SMCHD1: variants seen among roughly 807,000 people sequenced by gnomAD.
The protein encoded by SMCHD1 is structural maintenance of chromosomes flexible hinge domain-containing protein 1.
Under a neutral mutation model 254.7 loss-of-function variants are expected in SMCHD1, and 78 were observed. The ratio of observed to expected loss-of-function variants is 0.31; its 90% CI spans 0.26 to 0.37. The LOEUF (loss-of-function observed/expected upper bound fraction) is 0.37. SMCHD1 is among the 10% of genes least tolerant of loss of function. The probability of loss-of-function intolerance (pLI) is 1.00; values close to 1 mark genes in which losing one functional copy is unlikely to be tolerated. For synonymous variants in SMCHD1, 766 were observed against 794.9 expected (o/e 0.96, Z 0.61); for missense variants, 1,840 against 2,408.1 (o/e 0.76, Z 4.94).
intron 41 of SMCHD1, among the ~76,000 whole-genome samples, chr18:2,774,153 GTTATAC>G (rs1386574329): frequency 6.6e-6 from 1 of 151,852 alleles, no homozygotes; most frequent in East Asian, 1.9e-4. Flanking sequence ...ACATATTATA[GTTATAC>G]TTAACATGCC....
intron 4 of SMCHD1, among the ~76,000 whole-genome samples, chr18:2,673,624 A>G (rs537141693): frequency 3.9e-5 from 6 of 152,298 alleles, no homozygotes; most frequent in South Asian, 2.1e-4. Context: ...ATGTTCTGCA[A>G]TATAATCTGT....
intron 7 of SMCHD1, among the ~76,000 whole-genome samples, chr18:2,690,267 A>G (rs2074145855): frequency 6.6e-6 from 1 of 152,192 alleles, no homozygotes; most frequent in South Asian, 2.1e-4. Context: ...AAATATTTTG[A>G]TACACAATGG....
rs374350101 is a variant in SMCHD1 at position 2,747,991 on chromosome 18, T to C, written c.3927+344T>C. 2.4e-4 allele frequency among the ~76,000 whole-genome samples: 36 copies of C among 152,222 alleles called. No individual in the cohort carries two copies. In the South Asian group the frequency reaches 5.4e-3, roughly 23 times the overall value. Reference sequence around the variant, plus strand: ...ATATCACAGTGACCTACAGAATGGATTAAGGAACAGGCATTATTGGGGAAA... The same window carrying C: ...ATATCACAGTGACCTACAGAATGGACTAAGGAACAGGCATTATTGGGGAAA... On this transcript the variant is annotated intron_variant, in intron 30 of 47. Coordinates refer to ENST00000320876, the MANE Select transcript of SMCHD1 (RefSeq NM_015295.3).
chr18:2,706,380 A>T lies in SMCHD1; in HGVS notation c.1973A>T (p.Tyr658Phe). 2 of 1,582,064 alleles carry T rather than the reference A, an allele frequency of 1.3e-6. No individual in the cohort carries two copies. Among genetic ancestry groups the T allele is most frequent in the Non-Finnish European group, 1.7e-6 (2 of 1,162,972 alleles). Residue 658 changes from tyrosine to phenylalanine, a missense_variant, in exon 15 of 48, where the codon TAT (tyrosine) becomes TTT (phenylalanine). Coordinates refer to ENST00000320876, the MANE Select transcript of SMCHD1 (RefSeq NM_015295.3). ...TTTATTCAGGAACCTCAGGCACTAT[A>T]TGATGAAGTAAGAACTGTGCCAATT... ...VQIAMEPQAL[Y>F]DEVRTVPIAK...
intron 3 of SMCHD1, among the ~76,000 whole-genome samples, chr18:2,671,996 C>T (rs1423556262): frequency 6.6e-6 from 1 of 152,126 alleles, no homozygotes; most frequent in African/African-American, 2.4e-5. Flanking sequence ...TCTTTTTCAT[C>T]TAATCAGATT....
intron 5 of SMCHD1, among the ~76,000 whole-genome samples, chr18:2,686,886 T>C (rs932389181): frequency 6.6e-6 from 1 of 152,158 alleles, no homozygotes; most frequent in Non-Finnish European, 1.5e-5. Flanking sequence ...AATTAAAATG[T>C]TTTTGTTTAT....
At chr18:2,669,703 G>C (rs375304652) in intron 3 of SMCHD1, among the ~76,000 whole-genome samples, 4 of 152,154 alleles carry the variant, frequency 2.6e-5, no homozygotes, top group Non-Finnish European at 4.4e-5. Flanking sequence ...AAATGGTGCC[G>C]GGTTTATCTC....
chr18:2,797,742 T>C (rs1208107945), intron 47 of SMCHD1, among the ~76,000 whole-genome samples: 1 of 152,126 alleles, frequency 6.6e-6, no homozygotes, highest in East Asian at 1.9e-4. Context: ...CTGGCCAACA[T>C]GGCAAAACCC....
intron 25 of SMCHD1, among the ~76,000 whole-genome samples, chr18:2,734,652 T>TTTA (rs34131956): frequency 9.1e-3 from 2 of 220 alleles, no homozygotes; most frequent in Non-Finnish European, 0.043. Flanking sequence ...CTTATTTTCC[T>TTTA]TTTTTTTTTT....
Position 2,777,071 on chromosome 18 carries a change from C to A in SMCHD1, c.5367-735C>A, listed in dbSNP as rs531710414. Among the ~76,000 whole-genome samples the A allele has an allele frequency of 2.2e-3, 316 of 145,546 alleles. 2 individuals carry two copies. The highest frequency in any genetic ancestry group is 7.2e-3 in the African/African-American group (292 of 40,468). On this transcript the variant is annotated intron_variant, in intron 42 of 47. Coordinates refer to ENST00000320876, the MANE Select transcript of SMCHD1 (RefSeq NM_015295.3). ...GGCATGCACCACCACCTCCCCCCCC[C>A]ATACCCTAATACTTTTTGTGAGAAG... is the stretch of plus-strand genomic sequence containing the variant.
chr18:2,742,163 C>G (rs2075363732), intron 28 of SMCHD1, among the ~76,000 whole-genome samples: 1 of 152,160 alleles, frequency 6.6e-6, no homozygotes, highest in Non-Finnish European at 1.5e-5. Flanking sequence ...TTAGTATGGC[C>G]TGTAATACCT....
intron 17 of SMCHD1, among the ~76,000 whole-genome samples, chr18:2,717,284 C>G (rs989536028): frequency 6.6e-6 from 1 of 152,196 alleles, no homozygotes; most frequent in Non-Finnish European, 1.5e-5. Context: ...AGAGGATTCA[C>G]TCCCAGTTTT....
chr18:2,730,567 C>T (rs2075119301), intron 24 of SMCHD1, among the ~76,000 whole-genome samples: 1 of 152,174 alleles, frequency 6.6e-6, no homozygotes, highest in African/African-American at 2.4e-5. Flanking sequence ...GAGCTGTAAA[C>T]AATCTAAGGT....
intron 42 of SMCHD1, 60 bp downstream of exon 42, chr18:2,775,984 C>A: frequency 7.5e-7 from 1 of 1,340,138 alleles, no homozygotes; most frequent in Non-Finnish European, 1.0e-6. Flanking sequence ...TTTATCAAAG[C>A]CTTGAATTTA....
chr18:2,688,401 T>A lies in SMCHD1; in HGVS notation c.646T>A (p.Ser216Thr). ...ATTAATGTTTTATTTTAGTGATCAT[T>A]CAGGATATGTTCGTCCAGTACCAGT... ...TRQGDFESDH[S>T]GYVRPVPVPR... The change falls in exon 6 of 48, where the codon TCA (serine) becomes ACA (threonine). Residue 216 changes from serine (S) to threonine (T), a missense_variant. Ser to Thr is a moderately conservative substitution (Grantham distance 58). This residue lies in a region of SMCHD1 where 498 missense variants were observed against 743.5 expected (regional missense o/e 0.67). Transcript: ENST00000320876. The A allele has an allele frequency of 6.2e-7, 1 of 1,609,764 alleles. No individual in the cohort carries two copies. The highest frequency in any genetic ancestry group is 1.7e-4 in the Middle Eastern group (1 of 6,056).
rs1488624500 is a variant in SMCHD1, at chr18:2,803,198, GTATATATATATATATATATAAA to G, written c.*659_*680del. 1 of 136,518 alleles carries G rather than the reference GTATATATATATATATATATAAA, an allele frequency of 7.3e-6. No individual in the cohort carries two copies. Among genetic ancestry groups the G allele is most frequent in the Non-Finnish European group, 1.6e-5 (1 of 63,724 alleles). The allele number at this position is 136,518 out of a possible 1,614,324, so 8.5% of individuals were successfully genotyped here. On this transcript the variant is annotated 3_prime_UTR_variant, in exon 48 of 48. Coordinates refer to ENST00000320876, the MANE Select transcript of SMCHD1 (RefSeq NM_015295.3). ...ACTTATCCTGTGTGTGTGTGTGTGTGTATATATATATATATATATAAATATATATATATAAAATATTCAGCAG... is the reference window on the plus strand; with the variant it reads ...ACTTATCCTGTGTGTGTGTGTGTGTGTATATATATATAAAATATTCAGCAG...
chr18:2,701,764 A>C (rs612203), intron 12 of SMCHD1, among the ~76,000 whole-genome samples: 92,734 of 151,928 alleles, frequency 0.61, 30,760 homozygotes, highest in Non-Finnish European at 0.73. Context: ...GTATTCTGTG[A>C]ACAGACCTCA....
intron 45 of SMCHD1, among the ~76,000 whole-genome samples, chr18:2,795,571 A>G (rs1319068855): frequency 6.6e-6 from 1 of 152,188 alleles, no homozygotes; most frequent in Non-Finnish European, 1.5e-5. Flanking sequence ...TTCTAACAAC[A>G]CAATATTTAA....
intron 45 of SMCHD1, among the ~76,000 whole-genome samples, chr18:2,791,648 G>A (rs1021460199): frequency 6.6e-6 from 1 of 152,180 alleles, no homozygotes. Flanking sequence ...GGAATCAACC[G>A]AAGTATCCCT....
Sources: gnomAD v4.1 joint callset for allele counts (sites outside exome capture counted in the v4.1 genomes callset) on GRCh38, gnomAD v4.1.1 for gene constraint, gnomAD v4.1.1 regional missense constraint, MANE v1.5 for transcripts, NCBI Gene and HGNC (gene_info 2026-07-23, HGNC 2026-07-21) for gene names.